The following SPOCK3 variants were observed in gnomAD, a reference collection of about 807,000 sequenced individuals.
The protein encoded by SPOCK3 is testican-3.
A neutral mutation model predicts 56.6 loss-of-function variants in SPOCK3; 30 were observed. That is an observed-to-expected ratio of 0.53 (90% confidence interval 0.40 to 0.72). SPOCK3 has a LOEUF of 0.72. Among genes scored for constraint, SPOCK3 ranks in the 30% least tolerant of loss-of-function variants. The pLI is 0.00. For synonymous variants in SPOCK3, 196 were observed against 183.3 expected (o/e 1.07, Z -0.56); for missense variants, 527 against 530.0 (o/e 0.99, Z 0.06).
chr4:166,740,052 T>C (rs1358076157), intron 9 of SPOCK3, among the ~76,000 whole-genome samples: 1 of 152,184 alleles, frequency 6.6e-6, no homozygotes, highest in Admixed American at 6.5e-5. Context: ...TGTTATGATG[T>C]ATAGTTAGTG....
At chr4:167,093,644 T>C (rs1286085749) in intron 2 of SPOCK3, among the ~76,000 whole-genome samples, 1 of 152,202 alleles carries the variant, frequency 6.6e-6, no homozygotes, top group Non-Finnish European at 1.5e-5. Context: ...AATGGCTGCA[T>C]AGTATTTCAT....
chr4:166,801,755 T>C lies in SPOCK3; in HGVS notation c.590-9466A>G, dbSNP rs565293319. ...ATAATTGAATTGTTGAGAAATGAAGTAGTATAGGTATGTAGCAATTGAAAC... is the reference window on the plus strand; with the variant it reads ...ATAATTGAATTGTTGAGAAATGAAGCAGTATAGGTATGTAGCAATTGAAAC... On this transcript the variant is annotated intron_variant, in intron 6 of 10. Coordinates refer to ENST00000357545, the MANE Select transcript of SPOCK3 (RefSeq NM_001040159.2). Among the ~76,000 whole-genome samples, 8 of 152,192 alleles carry C rather than the reference T, an allele frequency of 5.3e-5. 1 individual carries two copies. The South Asian group carries it at 1.5e-3, about 28-fold the overall frequency.
chr4:167,158,141 T>C (rs970058678), intron 2 of SPOCK3, among the ~76,000 whole-genome samples: 1 of 151,936 alleles, frequency 6.6e-6, no homozygotes, highest in African/African-American at 2.4e-5. Flanking sequence ...AATATACATG[T>C]AAAAGAATAC....
At chr4:166,782,495 C>T (rs947931540) in intron 7 of SPOCK3, among the ~76,000 whole-genome samples, 1 of 151,980 alleles carries the variant, frequency 6.6e-6, no homozygotes, top group East Asian at 1.9e-4. Context: ...CAGAATAGTC[C>T]AACAAATAAT....
At chr4:166,971,416 A>C (rs1013690822) in intron 4 of SPOCK3, among the ~76,000 whole-genome samples, 3 of 151,074 alleles carry the variant, frequency 2.0e-5, no homozygotes, top group Non-Finnish European at 4.5e-5. Flanking sequence ...GGATTCGAAG[A>C]TTACTTGATA....
intron 8 of SPOCK3, among the ~76,000 whole-genome samples, chr4:166,747,765 C>T (rs1453591147): frequency 1.3e-5 from 2 of 152,034 alleles, no homozygotes; most frequent in Non-Finnish European, 2.9e-5. Flanking sequence ...TCCCCTTAAG[C>T]TGATAAGCAA....
chr4:166,978,293 T>C, intron 4 of SPOCK3, among the ~76,000 whole-genome samples: 1 of 151,968 alleles, frequency 6.6e-6, no homozygotes, highest in Non-Finnish European at 1.5e-5. Context: ...TAAGACAAAC[T>C]GGGAAATGGC....
intron 3 of SPOCK3, among the ~76,000 whole-genome samples, chr4:167,003,242 G>T (rs1291576081): frequency 6.6e-6 from 1 of 152,072 alleles, no homozygotes; most frequent in Non-Finnish European, 1.5e-5. Context: ...TTTTACATAG[G>T]ATTTTATGTA....
chr4:167,085,276 A>G (rs1758086643), intron 2 of SPOCK3, among the ~76,000 whole-genome samples: 1 of 151,948 alleles, frequency 6.6e-6, no homozygotes. Context: ...AAAAAATGAA[A>G]AGAGAGAAAA....
chr4:166,913,795 TCTCA>T (rs1388531825), intron 4 of SPOCK3, among the ~76,000 whole-genome samples: 3 of 152,090 alleles, frequency 2.0e-5, no homozygotes, highest in Non-Finnish European at 4.4e-5. Flanking sequence ...TCTCTCTCTC[TCTCA>T]AAGATTTTCA....
chr4:166,916,912 A>G (rs1737919124), intron 4 of SPOCK3, among the ~76,000 whole-genome samples: 1 of 152,194 alleles, frequency 6.6e-6, no homozygotes, highest in South Asian at 2.1e-4. Flanking sequence ...TTATGATTTT[A>G]GGATTTGATT....
intron 4 of SPOCK3, among the ~76,000 whole-genome samples, chr4:166,969,830 C>T (rs540553303): frequency 3.4e-4 from 51 of 152,076 alleles, no homozygotes; most frequent in African/African-American, 1.2e-3. Context: ...TTAGGTAATT[C>T]AACAATTGGA....
chr4:166,870,712 T>G (rs1297801000), intron 6 of SPOCK3, among the ~76,000 whole-genome samples: 1 of 152,106 alleles, frequency 6.6e-6, no homozygotes, highest in South Asian at 2.1e-4. Context: ...AGAGGGAAAT[T>G]TATTGCATTG....
chr4:166,917,605 C>A (rs576988832), intron 4 of SPOCK3, among the ~76,000 whole-genome samples: 57 of 152,130 alleles, frequency 3.7e-4, no homozygotes, highest in African/African-American at 1.3e-3. Flanking sequence ...ATAACTGCAT[C>A]CTATACAGGG....
intron 6 of SPOCK3, among the ~76,000 whole-genome samples, chr4:166,851,696 G>T (rs1017728324): frequency 6.6e-6 from 1 of 152,050 alleles, no homozygotes; most frequent in South Asian, 2.1e-4. Flanking sequence ...TACACTGTTG[G>T]TGGGACTGTA....
intron 2 of SPOCK3, among the ~76,000 whole-genome samples, chr4:167,142,598 T>C (rs967015373): frequency 3.9e-5 from 6 of 151,912 alleles, no homozygotes; most frequent in African/African-American, 1.4e-4. Flanking sequence ...AAGAAAATAA[T>C]GTGAATAAAG....
intron 2 of SPOCK3, among the ~76,000 whole-genome samples, chr4:167,084,660 C>T (rs750824712): frequency 1.3e-5 from 2 of 152,066 alleles, no homozygotes; most frequent in Non-Finnish European, 2.9e-5. Flanking sequence ...GAGGGATCCA[C>T]ACTAAAGGAG....
At chr4:166,782,725 T>A (rs1007972473) in intron 7 of SPOCK3, among the ~76,000 whole-genome samples, 1 of 152,168 alleles carries the variant, frequency 6.6e-6, no homozygotes, top group Admixed American at 6.6e-5. Context: ...AAATATATTA[T>A]TTTTAATTCA....
At chr4:166,876,920 TTAA>T (rs61324074) in intron 6 of SPOCK3, among the ~76,000 whole-genome samples, 4,332 of 152,180 alleles carry the variant, frequency 0.028, 221 homozygotes, top group African/African-American at 0.098. Flanking sequence ...TGAGATAACT[TTAA>T]TAATAATTTA....
Sources: gnomAD v4.1 joint callset for allele counts (sites outside exome capture counted in the v4.1 genomes callset) on GRCh38, gnomAD v4.1.1 for gene constraint, MANE v1.5 for transcripts, NCBI Gene and HGNC (gene_info 2026-07-23, HGNC 2026-07-21) for gene names.